TCAF1: variants seen among roughly 807,000 people sequenced by gnomAD.
The protein encoded by TCAF1 is TRPM8 channel associated factor 1.
A neutral mutation model predicts 27.3 loss-of-function variants in TCAF1; 4 were observed. The ratio of observed to expected loss-of-function variants is 0.15; its 90% CI spans 0.07 to 0.34. The LOEUF is 0.34. Among genes scored for constraint, TCAF1 ranks in the 10% least tolerant of loss-of-function variants. The probability of loss-of-function intolerance (pLI) is 1.00; values close to 1 mark genes in which losing one functional copy is unlikely to be tolerated. For missense variants in TCAF1, 257 were observed against 425.8 expected, an observed-to-expected ratio of 0.60 and a Z score of 3.49; for synonymous variants, 105 against 167.1, an observed-to-expected ratio of 0.63 and a Z score of 2.87.
chr7:143,894,400 A>C (rs562553957), intron 1 of TCAF1, among the ~76,000 whole-genome samples: 1 of 152,000 alleles, frequency 6.6e-6, no homozygotes, highest in East Asian at 1.9e-4. Context: ...AAATCTCGTA[A>C]GTACATTATA....
At chr7:143,893,128 T>C (rs1337303789) in intron 1 of TCAF1, among the ~76,000 whole-genome samples, 1 of 152,216 alleles carries the variant, frequency 6.6e-6, no homozygotes, top group African/African-American at 2.4e-5. Context: ...GTATGGCTTA[T>C]GTACAATGGG....
At chr7:143,886,817 G>A (rs77740536) in intron 1 of TCAF1, among the ~76,000 whole-genome samples, 3,718 of 142,560 alleles carry the variant, frequency 0.026, 67 homozygotes, top group Non-Finnish European at 0.037. Flanking sequence ...AGCCTCCCCA[G>A]TAGCTGGGAC....
chr7:143,884,936 C>G (rs1175349138), intron 1 of TCAF1: 2 of 934,160 alleles, frequency 2.1e-6, no homozygotes, highest in Admixed American at 6.2e-5. Flanking sequence ...TAGAAAGAAG[C>G]TGAAATAGAA....
At chr7:143,901,850 T>A (rs1436744146) in intron 1 of TCAF1, 111 bp downstream of exon 1, 2 of 152,122 alleles carry the variant, frequency 1.3e-5, no homozygotes, top group African/African-American at 4.8e-5. Flanking sequence ...GGATCCTCGG[T>A]GGAACGGCTC....
At chr7:143,884,998 T>C (rs963794056) in intron 1 of TCAF1, 6 of 985,408 alleles carry the variant, frequency 6.1e-6, no homozygotes, top group Non-Finnish European at 7.2e-6. Context: ...TCTACCTCCC[T>C]GGACCCAAAA....
At chr7:143,889,491 GA>G (rs1813552300) in intron 1 of TCAF1, among the ~76,000 whole-genome samples, 2 of 152,174 alleles carry the variant, frequency 1.3e-5, no homozygotes, top group Admixed American at 6.5e-5. Flanking sequence ...GCAGAAAAGA[GA>G]AGAACTTTCA....
At chr7:143,860,019 ATT>A (rs1163573227) in intron 6 of TCAF1, among the ~76,000 whole-genome samples, 187 bp downstream of exon 6, 5,003 of 47,250 alleles carry the variant, frequency 0.11, 931 homozygotes, top group Non-Finnish European at 0.13. Flanking sequence ...TATAATATAT[ATT>A]ATATATTATA....
At chr7:143,887,977 G>A (rs1813489403) in intron 1 of TCAF1, among the ~76,000 whole-genome samples, 1 of 152,112 alleles carries the variant, frequency 6.6e-6, no homozygotes, top group Non-Finnish European at 1.5e-5. Flanking sequence ...GGCGACTTCT[G>A]GGTTACTGGT....
intron 1 of TCAF1, among the ~76,000 whole-genome samples, chr7:143,893,239 T>C (rs1813730981): frequency 3.3e-5 from 5 of 152,094 alleles, no homozygotes; most frequent in Admixed American, 2.0e-4. Context: ...AATTTTAAAT[T>C]TGTATCCTTA....
intron 1 of TCAF1, among the ~76,000 whole-genome samples, chr7:143,892,461 AAAGAG>A (rs1263056564): frequency 1.3e-5 from 2 of 152,110 alleles, no homozygotes; most frequent in Non-Finnish European, 2.9e-5. Flanking sequence ...GAAATCAAGA[AAAGAG>A]AAAATAACAA....
chr7:143,886,797 C>CCAGGCTGGG (rs1463592532), intron 1 of TCAF1, among the ~76,000 whole-genome samples: 1 of 147,744 alleles, frequency 6.8e-6, no homozygotes, highest in East Asian at 2.0e-4. Context: ...TCAATCGATC[C>CCAGGCTGGG]GCCCACCTCA....
In TCAF1 at chr7:143,852,567, T is replaced by G. The variant is rs1177627080; in HGVS notation, c.*1566A>C. 3 of 152,596 alleles carry G rather than the reference T, an allele frequency of 2.0e-5. No homozygotes were observed. Among genetic ancestry groups the G allele is most frequent in the Non-Finnish European group, 4.4e-5 (3 of 68,242 alleles). 9.5% of individuals were successfully genotyped at this position (152,596 alleles called of 1,614,324 possible). A position where few individuals can be genotyped will look rare whatever the true frequency, so the allele number is the denominator to read the frequency against. On this transcript the variant is annotated 3_prime_UTR_variant, in exon 9 of 9. Coordinates refer to ENST00000479870, the MANE Select transcript of TCAF1 (RefSeq NM_014719.3). ...CACTTTGATGTTCTTCTTGACAGTCTGCCTTACTATGAAATTCTAGGTACA... is the reference window on the plus strand; with the variant it reads ...CACTTTGATGTTCTTCTTGACAGTCGGCCTTACTATGAAATTCTAGGTACA...
chr7:143,875,939 G>T (rs781274380), intron 2 of TCAF1, 50 bp downstream of exon 2: 4 of 1,497,284 alleles, frequency 2.7e-6, no homozygotes, highest in Admixed American at 4.5e-5. Flanking sequence ...TAAGAACTGG[G>T]TCTGCTTTTC....
In TCAF1 at chr7:143,882,193, AACACAC is replaced by A. The variant is rs35872468; in HGVS notation, c.-14-5577_-14-5572del. 1,102 of 150,288 alleles carry A rather than the reference AACACAC, an allele frequency of 7.3e-3. 14 individuals carry two copies. Among genetic ancestry groups the A allele is most frequent in the African/African-American group, 0.025 (987 of 38,974 alleles). 9.3% of individuals were successfully genotyped at this position (150,288 alleles called of 1,614,324 possible). On this transcript the variant is annotated intron_variant, in intron 1 of 8. Transcript: ENST00000479870. ...GGAGGGGAGCTCCTCCATGCGCGTA[AACACAC>A]ACACACACACACACACACACGAACG...
chr7:143,883,500 CTTT>C (rs374825743), intron 1 of TCAF1, among the ~76,000 whole-genome samples: 10 of 98,078 alleles, frequency 1.0e-4, no homozygotes, highest in East Asian at 6.2e-4. Flanking sequence ...TTTCCTTTTT[CTTT>C]TTTTTTTTTT....
intron 1 of TCAF1, among the ~76,000 whole-genome samples, chr7:143,886,101 G>T (rs1333260301): frequency 6.6e-6 from 1 of 152,184 alleles, no homozygotes; most frequent in African/African-American, 2.4e-5. Flanking sequence ...ACCAGGTCCT[G>T]CACTCGCATC....
chr7:143,885,875 C>T (rs1436233749), intron 1 of TCAF1, among the ~76,000 whole-genome samples: 1 of 152,024 alleles, frequency 6.6e-6, no homozygotes, highest in African/African-American at 2.4e-5. Flanking sequence ...CTTGATACAC[C>T]TCATTAGCGT....
intron 1 of TCAF1, among the ~76,000 whole-genome samples, chr7:143,881,002 C>G (rs1812983699): frequency 6.6e-6 from 1 of 152,200 alleles, no homozygotes; most frequent in African/African-American, 2.4e-5. Flanking sequence ...GGAACCAAAG[C>G]CAACTCCAAA....
chr7:143,881,299 A>C (rs1056764499), intron 1 of TCAF1, among the ~76,000 whole-genome samples: 1 of 152,208 alleles, frequency 6.6e-6, no homozygotes, highest in African/African-American at 2.4e-5. Flanking sequence ...TGAGGGTATA[A>C]GGGTAAACCC....
Sources: allele counts gnomAD v4.1 joint callset (sites outside exome capture counted in the v4.1 genomes callset), GRCh38; gene constraint gnomAD v4.1.1; transcripts MANE v1.5; gene names NCBI Gene and HGNC (gene_info 2026-07-23, HGNC 2026-07-21).